Variants in GRM1 observed in about 807,000 individuals in gnomAD.
GRM1 encodes the protein glutamate metabotropic receptor 1.
Under a neutral mutation model 90.9 loss-of-function variants are expected in GRM1, and 33 were observed. That is an observed-to-expected ratio of 0.36 (90% confidence interval 0.28 to 0.49). The LOEUF (loss-of-function observed/expected upper bound fraction) is 0.49, where lower values mean the gene tolerates loss of function less well. Among genes scored for constraint, GRM1 ranks in the 20% least tolerant of loss-of-function variants. The pLI is 0.99. For missense variants in GRM1, 1,190 were observed against 1,534.3 expected, an observed-to-expected ratio of 0.78 and a Z score of 3.75; for synonymous variants, 700 against 613.2, an observed-to-expected ratio of 1.14 and a Z score of -2.09.
At position 146,257,163 on chromosome 6, in the gene GRM1, A is replaced by G. The variant is rs889891839; in HGVS notation, c.951-47448A>G. 3.9e-5 allele frequency among the ~76,000 whole-genome samples: 6 copies of G among 152,172 alleles called. No individual in the cohort carries two copies. In the South Asian group the frequency reaches 8.3e-4, roughly 21 times the overall value. ...ATAATTAATTCGTTCATTAGCATGTATTTTTCAATTCTCTTACGGCATGTA... is the reference window on the plus strand; with the variant it reads ...ATAATTAATTCGTTCATTAGCATGTGTTTTTCAATTCTCTTACGGCATGTA... On this transcript the variant is annotated intron_variant, in intron 2 of 7. Transcript: ENST00000282753.
chr6:146,140,113 C>CTTTCTTTCTTTCTT (rs1157360095), intron 1 of GRM1, among the ~76,000 whole-genome samples: 196 of 116,084 alleles, frequency 1.7e-3, no homozygotes, highest in South Asian at 9.9e-3. Flanking sequence ...TTCTTTCTTT[C>CTTTCTTTCTTTCTT]TTTCTTTCTT....
intron 3 of GRM1, among the ~76,000 whole-genome samples, chr6:146,349,232 ATTTTTTTTTTTTTAT>A (rs1187095211): frequency 3.7e-5 from 5 of 134,686 alleles, no homozygotes; most frequent in African/African-American, 1.0e-4. Context: ...ATGCCCGGCT[ATTTTTTTTTTTTTAT>A]TTTTTTTTTA....
At chr6:146,075,595 A>G (rs1270364247) in intron 1 of GRM1, among the ~76,000 whole-genome samples, 1 of 152,198 alleles carries the variant, frequency 6.6e-6, no homozygotes, top group Non-Finnish European at 1.5e-5. Context: ...TTAGTTTCCT[A>G]GGGTTGCCAT....
rs7742685 is a variant in GRM1, at chr6:146,159,888, T to C, written c.950+291T>C. On this transcript the variant is annotated intron_variant, in intron 2 of 7. Transcript: ENST00000282753. ...TATGATTGGTGCCACTGCATTCTAG[T>C]CTTGGTGACAGAGTGAGACCTTAAC... The C allele has an allele frequency of 0.16, 49,233 of 300,274 alleles. 9,496 individuals carry two copies. The highest frequency in any genetic ancestry group is 0.61 in the African/African-American group (25,745 of 42,426). The allele number at this position is 300,274 out of a possible 1,614,324, so 18.6% of individuals were successfully genotyped here. A position where few individuals can be genotyped will look rare whatever the true frequency, so the allele number is the denominator to read the frequency against.
At chr6:146,210,630 C>T (rs747420803) in intron 2 of GRM1, among the ~76,000 whole-genome samples, 5 of 152,018 alleles carry the variant, frequency 3.3e-5, no homozygotes, top group East Asian at 1.9e-4. Flanking sequence ...GAACAAGACC[C>T]AGGAGCCTGC....
At chr6:146,387,801 G>T (rs1475830174) in intron 6 of GRM1, among the ~76,000 whole-genome samples, 1 of 152,064 alleles carries the variant, frequency 6.6e-6, no homozygotes, top group Non-Finnish European at 1.5e-5. Flanking sequence ...TACATGTTTG[G>T]ACTTTGGCTT....
At chr6:146,335,532 C>G (rs1784742932) in intron 3 of GRM1, among the ~76,000 whole-genome samples, 1 of 152,152 alleles carries the variant, frequency 6.6e-6, no homozygotes, top group South Asian at 2.1e-4. Flanking sequence ...TCTGCTTCAG[C>G]CATCAATCCC....
At chr6:146,295,885 AC>A (rs1196010084) in intron 2 of GRM1, among the ~76,000 whole-genome samples, 3 of 151,918 alleles carry the variant, frequency 2.0e-5, no homozygotes, top group African/African-American at 7.3e-5. Flanking sequence ...CCCATCCTTC[AC>A]CCTCAAGGGG....
intron 1 of GRM1, among the ~76,000 whole-genome samples, chr6:146,093,372 A>G (rs1024777897): frequency 1.3e-5 from 2 of 152,054 alleles, no homozygotes; most frequent in Admixed American, 1.3e-4. Flanking sequence ...CAGTTAATTC[A>G]GAGATGATTC....
intron 2 of GRM1, among the ~76,000 whole-genome samples, chr6:146,282,278 T>G (rs1394177862): frequency 6.6e-6 from 1 of 152,170 alleles, no homozygotes; most frequent in African/African-American, 2.4e-5. Context: ...TCTCCACAAT[T>G]GTATCACCCT....
At chr6:146,327,532 A>G (rs936860702) in intron 3 of GRM1, among the ~76,000 whole-genome samples, 4 of 152,194 alleles carry the variant, frequency 2.6e-5, no homozygotes, top group Admixed American at 2.6e-4. Flanking sequence ...TCCGTAACAT[A>G]CTTTTATGTA....
chr6:146,039,353 A>C (rs528293925), intron 1 of GRM1, among the ~76,000 whole-genome samples: 3 of 152,158 alleles, frequency 2.0e-5, no homozygotes, highest in South Asian at 4.1e-4. Context: ...CATAGAAAGC[A>C]AAATATGCTC....
chr6:146,077,276 A>T (rs1776218475), intron 1 of GRM1, among the ~76,000 whole-genome samples: 1 of 152,178 alleles, frequency 6.6e-6, no homozygotes, highest in African/African-American at 2.4e-5. Flanking sequence ...GCTAACGCAC[A>T]CACAGACAGA....
At chr6:146,173,486 A>C (rs1006059988) in intron 2 of GRM1, among the ~76,000 whole-genome samples, 5 of 151,896 alleles carry the variant, frequency 3.3e-5, no homozygotes, top group Non-Finnish European at 5.9e-5. Context: ...CAATCCTATC[A>C]TATCCCATCT....
intron 2 of GRM1, among the ~76,000 whole-genome samples, chr6:146,233,670 G>T (rs964826547): frequency 2.6e-5 from 4 of 151,920 alleles, no homozygotes; most frequent in African/African-American, 9.7e-5. Context: ...TACATACTTT[G>T]TGTAATTTCA....
At chr6:146,204,155 G>A (rs1056306702) in intron 2 of GRM1, among the ~76,000 whole-genome samples, 5 of 152,142 alleles carry the variant, frequency 3.3e-5, no homozygotes, top group Non-Finnish European at 1.5e-5. Context: ...AATTTATAAG[G>A]TGGATTAGCA....
chr6:146,254,196 A>G (rs1350359544), intron 2 of GRM1, among the ~76,000 whole-genome samples: 1 of 152,198 alleles, frequency 6.6e-6, no homozygotes, highest in Admixed American at 6.5e-5. Context: ...CATAGCTGAA[A>G]CAAACTGGTC....
At chr6:146,062,994 T>C (rs190866818) in intron 1 of GRM1, among the ~76,000 whole-genome samples, 74 of 152,342 alleles carry the variant, frequency 4.9e-4, no homozygotes, top group South Asian at 2.9e-3. Flanking sequence ...CAGGCTATTT[T>C]TTCTTTTTCC....
chr6:146,279,240 GTCTC>G (rs953858747), intron 2 of GRM1, among the ~76,000 whole-genome samples: 95 of 151,072 alleles, frequency 6.3e-4, no homozygotes, highest in African/African-American at 2.2e-3. Flanking sequence ...TCTGCTCTCT[GTCTC>G]TCTCTTTCAG....
Sources: allele counts gnomAD v4.1 joint callset (sites outside exome capture counted in the v4.1 genomes callset), GRCh38; gene constraint gnomAD v4.1.1; transcripts MANE v1.5; gene names NCBI Gene and HGNC (gene_info 2026-07-23, HGNC 2026-07-21).